The following TTC27 variants were observed in gnomAD, a reference collection of about 807,000 sequenced individuals.
TTC27 encodes the protein tetratricopeptide repeat domain 27.
In TTC27, 79 loss-of-function variants were observed where a neutral mutation model predicts 115.9. That is an observed-to-expected ratio of 0.68 (90% CI 0.57 to 0.82). The LOEUF (loss-of-function observed/expected upper bound fraction) is 0.82, where lower values mean the gene tolerates loss of function less well. TTC27 is among the 40% of genes least tolerant of loss of function. The pLI, the probability that TTC27 is intolerant of heterozygous loss-of-function variation, is 0.00. For missense variants in TTC27, 1,054 were observed against 993.1 expected (o/e 1.06, Z -0.82); for synonymous variants, 401 against 356.0 (o/e 1.13, Z -1.42).
chr2:32,662,234 T>C (rs536828300), intron 5 of TTC27, among the ~76,000 whole-genome samples: 1 of 151,176 alleles, frequency 6.6e-6, no homozygotes, highest in Admixed American at 6.6e-5. Flanking sequence ...TTTTCTTTTT[T>C]TTGTTGTGTC....
rs528888832 is a variant in TTC27, at chr2:32,640,338, C to G, written c.465C>G (p.Thr155=). 2 of 1,613,976 alleles carry G rather than the reference C, an allele frequency of 1.2e-6. No homozygotes were observed. The highest frequency in any genetic ancestry group is 2.2e-5 in the South Asian group (2 of 91,080). The stretch of plus-strand genomic sequence containing the variant: ...ATGGTGAATCAATCTACAGCCTGAC[C>G]TCGAAGCCTATACTACTGTTATTAG... ...TLDGESIYSL[T]SKPILLLLAR... Residue 155 remains threonine (T), a synonymous_variant, in exon 4 of 20, where the codon ACC becomes ACG. Coordinates refer to ENST00000317907, the MANE Select transcript of TTC27 (RefSeq NM_017735.5).
At chr2:32,760,776 G>A (rs1228134241) in intron 13 of TTC27, among the ~76,000 whole-genome samples, 17 of 152,090 alleles carry the variant, frequency 1.1e-4, no homozygotes, top group Non-Finnish European at 1.9e-4. Context: ...TGCCACAATC[G>A]CAGTTAAATC....
intron 9 of TTC27, among the ~76,000 whole-genome samples, chr2:32,685,124 G>C (rs1666587593): frequency 6.7e-6 from 1 of 149,718 alleles, no homozygotes; most frequent in Non-Finnish European, 1.5e-5. Flanking sequence ...CCTGCCTCCC[G>C]GTTCAAGTGA....
intron 5 of TTC27, among the ~76,000 whole-genome samples, chr2:32,663,916 C>T (rs1023128016): frequency 1.3e-5 from 2 of 151,764 alleles, no homozygotes; most frequent in Admixed American, 1.3e-4. Context: ...AACTCCTGAC[C>T]TTGTGATCCG....
In TTC27 at chr2:32,793,777, C is replaced by T. The variant is rs1326406765; in HGVS notation, c.1998+6628C>T. Among the ~76,000 whole-genome samples the T allele has an allele frequency of 2.0e-5, 3 of 152,146 alleles. No individual in the cohort carries two copies. The East Asian group carries it at 5.8e-4, about 29-fold the overall frequency. ...ACCTCAGGTGAGCCATCCACCTCGG[C>T]CTCCCAAAGTGCTGGGATTACAGGT... On this transcript the variant is annotated intron_variant, in intron 16 of 19. Transcript: ENST00000317907.
chr2:32,664,538 T>G lies in TTC27; in HGVS notation c.805+71T>G, dbSNP rs147419140. On this transcript the variant is annotated intron_variant, in intron 6 of 19. Transcript: ENST00000317907. ...AACTATATACATTGGCAGTTTGTAT[T>G]GTATGTTGGTATTAGATTTTCTATA... is the stretch of plus-strand genomic sequence containing the variant. 2.2e-4 allele frequency: 291 copies of G among 1,335,158 alleles called. No individual in the cohort carries two copies. The African/African-American group carries it at 3.8e-3, about 17-fold the overall frequency. The allele number at this position is 1,335,158 out of a possible 1,614,324, so 82.7% of individuals were successfully genotyped here. A position where few individuals can be genotyped will look rare whatever the true frequency, so the allele number is the denominator to read the frequency against.
chr2:32,799,690 C>G (rs972087180), intron 16 of TTC27, among the ~76,000 whole-genome samples: 2 of 151,988 alleles, frequency 1.3e-5, no homozygotes, highest in Non-Finnish European at 1.5e-5. Flanking sequence ...CTAATAATAT[C>G]CTTATTATAT....
chr2:32,816,560 G>A (rs1671507674), intron 18 of TTC27, among the ~76,000 whole-genome samples: 1 of 152,176 alleles, frequency 6.6e-6, no homozygotes, highest in Non-Finnish European at 1.5e-5. Flanking sequence ...CTTCTACCAG[G>A]AAGAACGATG....
intron 9 of TTC27, among the ~76,000 whole-genome samples, chr2:32,695,748 A>AAAAAAAAT (rs1559209920): frequency 9.2e-6 from 1 of 108,688 alleles, no homozygotes; most frequent in Non-Finnish European, 1.8e-5. Context: ...AAAAAAAAAA[A>AAAAAAAAT]AGCTGGGTGT....
intron 3 of TTC27, among the ~76,000 whole-genome samples, chr2:32,637,063 A>G (rs895110260): frequency 4.6e-5 from 7 of 152,234 alleles, no homozygotes; most frequent in Non-Finnish European, 8.8e-5. Context: ...ACTACTGCCA[A>G]CACTTAAAAG....
At chr2:32,655,208 G>A (rs975989108) in intron 5 of TTC27, among the ~76,000 whole-genome samples, 7 of 152,034 alleles carry the variant, frequency 4.6e-5, no homozygotes, top group African/African-American at 1.7e-4. Flanking sequence ...GGCCAAGCTG[G>A]TCTTGAAGTC....
At chr2:32,677,745 G>C (rs1400446242) in intron 8 of TTC27, among the ~76,000 whole-genome samples, 1 of 152,186 alleles carries the variant, frequency 6.6e-6, no homozygotes, top group East Asian at 1.9e-4. Flanking sequence ...GAGCCACCGT[G>C]CCCGGCCCAA....
At chr2:32,650,539 T>C (rs1665077175) in intron 5 of TTC27, among the ~76,000 whole-genome samples, 1 of 151,980 alleles carries the variant, frequency 6.6e-6, no homozygotes, top group African/African-American at 2.4e-5. Flanking sequence ...TATTTTAATA[T>C]TTTCTCTGTT....
At chr2:32,759,165 C>T (rs1024870218) in intron 13 of TTC27, among the ~76,000 whole-genome samples, 4 of 152,078 alleles carry the variant, frequency 2.6e-5, no homozygotes, top group African/African-American at 7.2e-5. Context: ...TAGAAATGGT[C>T]ATTTTTTCTA....
At chr2:32,657,261 A>G (rs1342462101) in intron 5 of TTC27, among the ~76,000 whole-genome samples, 2 of 151,682 alleles carry the variant, frequency 1.3e-5, no homozygotes, top group African/African-American at 4.8e-5. Flanking sequence ...TAGGATGCCT[A>G]TGTGCCTTCT....
chr2:32,678,714 A>G (rs1342418868), intron 8 of TTC27, 142 bp from the exon 9 acceptor site: 2 of 565,084 alleles, frequency 3.5e-6, no homozygotes, highest in Admixed American at 6.3e-5. Context: ...GGTGTGAGCC[A>G]CTGTGCCCGG....
At chr2:32,819,976 G>T (rs1297059052) in intron 19 of TTC27, among the ~76,000 whole-genome samples, 1 of 152,206 alleles carries the variant, frequency 6.6e-6, no homozygotes, top group Non-Finnish European at 1.5e-5. Flanking sequence ...TGTGAGGCTA[G>T]GTTATTTTCC....
intron 4 of TTC27, among the ~76,000 whole-genome samples, chr2:32,641,060 A>G (rs570049445): frequency 6.6e-6 from 1 of 152,206 alleles, no homozygotes; most frequent in African/African-American, 2.4e-5. Context: ...TATGAATTTC[A>G]TGTAGGATAA....
chr2:32,797,937 C>G (rs1670766040), intron 16 of TTC27, among the ~76,000 whole-genome samples: 1 of 151,802 alleles, frequency 6.6e-6, no homozygotes, highest in Non-Finnish European at 1.5e-5. Flanking sequence ...CCAAACAGCC[C>G]AATTAAAAAA....
Sources: gnomAD v4.1 joint callset for allele counts (sites outside exome capture counted in the v4.1 genomes callset) on GRCh38, gnomAD v4.1.1 for gene constraint, MANE v1.5 for transcripts, NCBI Gene and HGNC (gene_info 2026-07-23, HGNC 2026-07-21) for gene names.